The following STK10 variants were observed in gnomAD, a reference collection of about 807,000 sequenced individuals.
STK10 encodes the protein serine/threonine-protein kinase 10.
In STK10, 78 loss-of-function variants were observed where a neutral mutation model predicts 113.8. The observed-to-expected ratio is 0.69, with a 90% CI of 0.57 to 0.83. The LOEUF (loss-of-function observed/expected upper bound fraction) is 0.83, where lower values mean the gene tolerates loss of function less well. Ranked by LOEUF, STK10 falls within the 40% of genes least tolerant of loss-of-function variation. The pLI, the probability that STK10 is intolerant of heterozygous loss-of-function variation, is 0.00. For missense variants in STK10, 1,109 were observed against 1,280.1 expected (o/e 0.87, Z 2.04); for synonymous variants, 465 against 494.7 (o/e 0.94, Z 0.80).
intron 10 of STK10, among the ~76,000 whole-genome samples, chr5:172,083,925 G>GAAAAAAAA (rs58326550): frequency 1.7e-4 from 15 of 85,724 alleles, no homozygotes; most frequent in East Asian, 5.1e-4. Context: ...ACAAAAAAAA[G>GAAAAAAAA]AAAAAAAAAA....
chr5:172,150,062 A>AG (rs1462156566), intron 2 of STK10, among the ~76,000 whole-genome samples: 1 of 150,112 alleles, frequency 6.7e-6, no homozygotes, highest in East Asian at 2.0e-4. Flanking sequence ...AAAAAAAAAA[A>AG]AAAAAGAAAG....
chr5:172,136,554 G>A (rs750220116), intron 2 of STK10, among the ~76,000 whole-genome samples: 16 of 151,950 alleles, frequency 1.1e-4, no homozygotes, highest in Non-Finnish European at 2.2e-4. Context: ...CCAAGATCGC[G>A]CCACTGCACT....
intron 1 of STK10, among the ~76,000 whole-genome samples, chr5:172,158,728 T>C (rs1485560666): frequency 6.6e-6 from 1 of 152,152 alleles, no homozygotes; most frequent in East Asian, 1.9e-4. Flanking sequence ...GGAAGGCAAT[T>C]CTGACACAAA....
At chr5:172,156,541 G>T in intron 2 of STK10, 83 bp downstream of exon 2, 1 of 1,493,566 alleles carries the variant, frequency 6.7e-7, no homozygotes, top group South Asian at 1.3e-5. Flanking sequence ...TGCTGAGAAA[G>T]AGCTGAAGAC....
rs1415117843 is a variant in STK10, at chr5:172,183,851, T to G, written c.156+4036A>C. 2.0e-5 allele frequency among the ~76,000 whole-genome samples: 3 copies of G among 152,342 alleles called. No homozygotes were observed. In the East Asian group the frequency reaches 5.8e-4, roughly 29 times the overall value. On this transcript the variant is annotated intron_variant, in intron 1 of 18. Transcript: ENST00000176763. ...CATAGGCATTGAGTGAGAATGAGCT[T>G]GACTTTGCACAAAATCAATCCTATC...
chr5:172,146,500 A>G (rs1050343192), intron 2 of STK10, among the ~76,000 whole-genome samples: 2 of 152,192 alleles, frequency 1.3e-5, no homozygotes, highest in African/African-American at 4.8e-5. Flanking sequence ...CTTTGTCTCC[A>G]CACTCCTTCC....
intron 16 of STK10, 55 bp from the exon 17 acceptor site, chr5:172,054,749 AG>A: frequency 1.3e-6 from 2 of 1,599,600 alleles, no homozygotes; most frequent in South Asian, 2.2e-5. Context: ...CTGGTTGGGT[AG>A]GGAGCCCCAC....
chr5:172,075,625 A>G (rs1204709331), intron 12 of STK10, among the ~76,000 whole-genome samples: 1 of 152,206 alleles, frequency 6.6e-6, no homozygotes, highest in African/African-American at 2.4e-5. Flanking sequence ...GGTTGCAGTG[A>G]GCCGAGATCG....
chr5:172,143,375 C>CA lies in STK10; in HGVS notation c.321+13248dup, dbSNP rs201045024. 7.4e-4 allele frequency among the ~76,000 whole-genome samples: 112 copies of CA among 150,852 alleles called. No individual in the cohort carries two copies. In the East Asian group the frequency reaches 9.7e-3, roughly 13 times the overall value. On this transcript the variant is annotated intron_variant, in intron 2 of 18. Coordinates refer to ENST00000176763, the MANE Select transcript of STK10 (RefSeq NM_005990.4). ...GCAAGACACTGTCTCAAAAACAAAA[C>CA]AAAAAAAAAGAAAGAAAGAAAATTA...
At chr5:172,173,676 G>A (rs61357707) in intron 1 of STK10, among the ~76,000 whole-genome samples, 4 of 152,034 alleles carry the variant, frequency 2.6e-5, no homozygotes, top group South Asian at 2.1e-4. Flanking sequence ...ATCCCAGAAC[G>A]CTTTACATCC....
rs543715815 is a variant in STK10, at chr5:172,168,472, T to C, written c.157-11684A>G. On this transcript the variant is annotated intron_variant, in intron 1 of 18. Transcript: ENST00000176763. ...TGAGTTTAGAGCCCACTAAGGCCCC[T>C]GGCTGGCAGGCGTGAGTCAGCAGAG... 1.5e-4 allele frequency among the ~76,000 whole-genome samples: 23 copies of C among 152,256 alleles called. 1 individual carries two copies. The East Asian group carries it at 4.1e-3, about 27-fold the overall frequency.
chr5:172,059,434 CAA>C (rs58446505), intron 14 of STK10, among the ~76,000 whole-genome samples: 945 of 56,922 alleles, frequency 0.017, 5 homozygotes, highest in African/African-American at 0.044. Context: ...CTCTCCATCT[CAA>C]AAAAAAAAAA....
At chr5:172,137,271 G>C (rs1769882738) in intron 2 of STK10, among the ~76,000 whole-genome samples, 1 of 152,030 alleles carries the variant, frequency 6.6e-6, no homozygotes, top group Non-Finnish European at 1.5e-5. Flanking sequence ...AGTCACTCTG[G>C]TTTGAATGCC....
At chr5:172,171,772 G>C (rs1434935821) in intron 1 of STK10, among the ~76,000 whole-genome samples, 1 of 96,134 alleles carries the variant, frequency 1.0e-5, no homozygotes, top group Non-Finnish European at 2.3e-5. Flanking sequence ...GCTGGGTCCA[G>C]AGTGAAAGTC....
chr5:172,178,407 C>T (rs1355894405), intron 1 of STK10, among the ~76,000 whole-genome samples: 1 of 152,188 alleles, frequency 6.6e-6, no homozygotes, highest in East Asian at 1.9e-4. Context: ...GTGGAAGCTT[C>T]CCCGCTCTCG....
At position 172,061,196 on chromosome 5, in the gene STK10, G is replaced by A. The variant is rs764920096; in HGVS notation, c.2155C>T (p.Arg719Trp). The change falls in exon 14 of 19, where the codon CGG becomes TGG. Residue 719 changes from arginine (R) to tryptophan (W), a missense_variant. Arg to Trp is a moderately radical substitution (Grantham distance 101). Transcript: ENST00000176763. ...AMKRLTTDNR[R>W]EICDKERECL... is the part of the protein sequence containing the mutation. ...TCGCGCTCCTTGTCACAGATCTCCCGCCTGTTGTCGGTGGTGAGCCTCTTC... is the reference window on the plus strand; with the variant it reads ...TCGCGCTCCTTGTCACAGATCTCCCACCTGTTGTCGGTGGTGAGCCTCTTC... 50 of 1,613,258 alleles carry A rather than the reference G, an allele frequency of 3.1e-5. No individual in the cohort carries two copies. Among genetic ancestry groups the A allele is most frequent in the Non-Finnish European group, 3.9e-5 (46 of 1,179,902 alleles).
intron 8 of STK10, among the ~76,000 whole-genome samples, chr5:172,094,333 C>T (rs1222351866): frequency 1.3e-5 from 2 of 151,984 alleles, no homozygotes; most frequent in African/African-American, 4.8e-5. Flanking sequence ...CAAACCTTCC[C>T]AGTTTTTTAA....
intron 2 of STK10, among the ~76,000 whole-genome samples, chr5:172,140,915 C>A (rs1012502651): frequency 6.6e-6 from 1 of 152,086 alleles, no homozygotes; most frequent in Non-Finnish European, 1.5e-5. Flanking sequence ...TATGTACACA[C>A]AATGGATCCC....
intron 18 of STK10, among the ~76,000 whole-genome samples, chr5:172,045,784 G>T (rs1487155946): frequency 1.3e-5 from 2 of 152,086 alleles, no homozygotes; most frequent in East Asian, 3.9e-4. Context: ...CAGCCTCACA[G>T]GTTCAAGTGA....
Sources: gnomAD v4.1 joint callset for allele counts (sites outside exome capture counted in the v4.1 genomes callset) on GRCh38, gnomAD v4.1.1 for gene constraint, MANE v1.5 for transcripts, NCBI Gene and HGNC (gene_info 2026-07-23, HGNC 2026-07-21) for gene names.